Variants in ANO2 observed in about 807,000 individuals in gnomAD.
The protein encoded by ANO2 is anoctamin 2, also known as anoctamin-2.
In ANO2, 101 loss-of-function variants were observed where a neutral mutation model predicts 124.2. The ratio of observed to expected loss-of-function variants is 0.81; its 90% CI spans 0.69 to 0.96. The LOEUF is 0.96. ANO2 is among the 40% of genes least tolerant of loss of function. ANO2 has a pLI of 0.00. For synonymous variants in ANO2, 486 were observed against 482.5 expected, an observed-to-expected ratio of 1.01 and a Z score of -0.09; for missense variants, 1,293 against 1,274.5, an observed-to-expected ratio of 1.01 and a Z score of -0.22.
intron 24 of ANO2, among the ~76,000 whole-genome samples, chr12:5,565,290 T>G (rs1941681862): frequency 6.6e-6 from 1 of 152,128 alleles, no homozygotes; most frequent in Admixed American, 6.5e-5. Flanking sequence ...GGAATCTATC[T>G]CCACCCTGCA....
intron 14 of ANO2, among the ~76,000 whole-genome samples, chr12:5,650,495 G>T (rs1004433558): frequency 2.7e-4 from 41 of 152,142 alleles, no homozygotes; most frequent in African/African-American, 9.7e-4. Context: ...GAAGCCAAGA[G>T]AAACACAAAG....
intron 14 of ANO2, among the ~76,000 whole-genome samples, chr12:5,712,381 T>G (rs77396702): frequency 0.014 from 2,121 of 152,124 alleles, 56 homozygotes; most frequent in African/African-American, 0.047. Context: ...TACTTCCCAG[T>G]GTCCTTGTAA....
At chr12:5,849,621 C>T (rs1210630825) in intron 4 of ANO2, among the ~76,000 whole-genome samples, 1 of 152,166 alleles carries the variant, frequency 6.6e-6, no homozygotes, top group Non-Finnish European at 1.5e-5. Context: ...TCCAAGATTC[C>T]CCCTCCCAGT....
intron 14 of ANO2, among the ~76,000 whole-genome samples, chr12:5,715,083 CTGTT>C (rs1223735743): frequency 2.0e-5 from 3 of 151,958 alleles, no homozygotes; most frequent in Non-Finnish European, 2.9e-5. Context: ...TAGGTCAACA[CTGTT>C]TGTGTGTACA....
At chr12:5,634,048 G>A (rs1558508) in intron 16 of ANO2, among the ~76,000 whole-genome samples, 47,221 of 152,012 alleles carry the variant, frequency 0.31, 7,511 homozygotes, top group Admixed American at 0.38. Flanking sequence ...AATCCTGTCT[G>A]TCATTAAATA....
chr12:5,664,792 T>A (rs1334868959), intron 14 of ANO2, among the ~76,000 whole-genome samples: 1 of 152,164 alleles, frequency 6.6e-6, no homozygotes, highest in African/African-American at 2.4e-5. Flanking sequence ...ACGCATAGCC[T>A]CTCTCTCTCT....
intron 14 of ANO2, among the ~76,000 whole-genome samples, chr12:5,662,564 G>A (rs1947499603): frequency 6.6e-6 from 1 of 152,098 alleles, no homozygotes; most frequent in Non-Finnish European, 1.5e-5. Context: ...CTCCACCTAT[G>A]GACAGTCATC....
intron 3 of ANO2, among the ~76,000 whole-genome samples, chr12:5,909,400 T>C (rs1940902591): frequency 6.6e-6 from 1 of 152,264 alleles, no homozygotes; most frequent in Admixed American, 6.5e-5. Context: ...AATTTTTTTA[T>C]TTTGGTATAG....
At chr12:5,689,330 AAG>A (rs1948836314) in intron 14 of ANO2, among the ~76,000 whole-genome samples, 1 of 128,108 alleles carries the variant, frequency 7.8e-6, no homozygotes, top group African/African-American at 3.2e-5. Context: ...TGCAAAAGAA[AAG>A]AGATCATTTT....
chr12:5,836,302 T>C (rs1591674572), intron 4 of ANO2, among the ~76,000 whole-genome samples: 1 of 152,242 alleles, frequency 6.6e-6, no homozygotes, highest in Non-Finnish European at 1.5e-5. Flanking sequence ...CCATGCAATA[T>C]TTGCAACCTA....
intron 4 of ANO2, among the ~76,000 whole-genome samples, chr12:5,851,413 T>A (rs972099210): frequency 5.9e-5 from 9 of 151,946 alleles, no homozygotes; most frequent in Non-Finnish European, 1.3e-4. Flanking sequence ...TCTGGCTGGG[T>A]GTGGTGGCTC....
chr12:5,853,221 C>T (rs1471646068), intron 4 of ANO2, among the ~76,000 whole-genome samples: 2 of 144,988 alleles, frequency 1.4e-5, no homozygotes, highest in African/African-American at 5.1e-5. Flanking sequence ...AGGCTGGTCT[C>T]AAACTTCTGA....
chr12:5,710,432 G>C (rs756466884), intron 14 of ANO2, among the ~76,000 whole-genome samples: 4 of 152,200 alleles, frequency 2.6e-5, no homozygotes, highest in African/African-American at 4.8e-5. Flanking sequence ...AAGAATATTT[G>C]ATTTAATAGA....
At chr12:5,657,336 A>T (rs1325120489) in intron 14 of ANO2, among the ~76,000 whole-genome samples, 1 of 152,090 alleles carries the variant, frequency 6.6e-6, no homozygotes. Context: ...ACCACTTATG[A>T]GATTCCCGTG....
intron 14 of ANO2, among the ~76,000 whole-genome samples, chr12:5,687,767 G>A (rs139070359): frequency 1.3e-5 from 2 of 152,298 alleles, no homozygotes; most frequent in African/African-American, 4.8e-5. Flanking sequence ...AGGCAGGGAG[G>A]GGACCAGCAT....
intron 4 of ANO2, among the ~76,000 whole-genome samples, chr12:5,849,797 G>A (rs562651578): frequency 3.9e-5 from 6 of 152,050 alleles, no homozygotes; most frequent in African/African-American, 1.4e-4. Context: ...CTGATCCCGC[G>A]CCATGCCTCA....
At chr12:5,731,636 T>C (rs1471576713) in intron 14 of ANO2, among the ~76,000 whole-genome samples, 3 of 151,594 alleles carry the variant, frequency 2.0e-5, no homozygotes, top group Non-Finnish European at 4.4e-5. Flanking sequence ...CAAAGACAGG[T>C]GGCACACAGA....
chr12:5,732,674 T>C, intron 13 of ANO2, 44 bp from the exon 14 acceptor site: 2 of 1,586,988 alleles, frequency 1.3e-6, no homozygotes, highest in Non-Finnish European at 1.7e-6. Flanking sequence ...AAAGGAAGAA[T>C]GACCTTGGCC....
chr12:5,855,076 G>A, intron 3 of ANO2, among the ~76,000 whole-genome samples: 1 of 152,128 alleles, frequency 6.6e-6, no homozygotes, highest in East Asian at 1.9e-4. Flanking sequence ...TTGGTGAGAA[G>A]TTTCTAAAAC....
Sources: gnomAD v4.1 joint callset for allele counts (sites outside exome capture counted in the v4.1 genomes callset) on GRCh38, gnomAD v4.1.1 for gene constraint, MANE v1.5 for transcripts, NCBI Gene and HGNC (gene_info 2026-07-23, HGNC 2026-07-21) for gene names.